BCLAF1: variants seen among roughly 807,000 people sequenced by gnomAD.
BCLAF1 encodes the protein BCL2 associated transcription factor 1.
BCLAF1 carries 10 observed loss-of-function variants against 99.5 expected under a neutral mutation model. The ratio of observed to expected loss-of-function variants is 0.10; its 90% CI spans 0.06 to 0.17. BCLAF1 has a LOEUF of 0.17. Ranked by LOEUF, BCLAF1 falls within the 10% of genes least tolerant of loss-of-function variation. BCLAF1 has a pLI of 1.00. For missense variants in BCLAF1, 636 were observed against 1,105.8 expected, an observed-to-expected ratio of 0.58 and a Z score of 6.02; for synonymous variants, 255 against 370.9, an observed-to-expected ratio of 0.69 and a Z score of 3.59.
chr6:136,277,145 C>A (rs1304998115), intron 4 of BCLAF1, among the ~76,000 whole-genome samples: 1 of 152,186 alleles, frequency 6.6e-6, no homozygotes, highest in Non-Finnish European at 1.5e-5. Context: ...CATGAAGCAA[C>A]CAATTTTCAC....
At position 136,257,578 on chromosome 6, in the gene BCLAF1, G is replaced by A. The variant is rs1405715565; in HGVS notation, c.*3532C>T. On this transcript the variant is annotated 3_prime_UTR_variant, in exon 13 of 13. Transcript: ENST00000531224. ...TTCATTTAAACTTCATTAGGACAGT[G>A]TACTAATTTTTAGTATCTACCCCAA... 6.6e-6 allele frequency: 1 copy of A among 152,106 alleles called. No homozygotes were observed. The highest frequency in any genetic ancestry group is 1.5e-5 in the Non-Finnish European group (1 of 67,972). The allele number at this position is 152,106 out of a possible 1,614,324, so 9.4% of individuals were successfully genotyped here. A position where few individuals can be genotyped will look rare whatever the true frequency, so the allele number is the denominator to read the frequency against.
rs1031885501 is a variant in BCLAF1 at position 136,259,357 on chromosome 6, G to A, written c.*1753C>T. ...ACATAGTCATGCACACAGATTTGAT[G>A]TCTAACCAAGTAACTGTTATGGTAT... On this transcript the variant is annotated 3_prime_UTR_variant, in exon 13 of 13. Coordinates refer to ENST00000531224, the MANE Select transcript of BCLAF1 (RefSeq NM_014739.3). 6.6e-6 allele frequency: 1 copy of A among 152,010 alleles called. No homozygotes were observed. The highest frequency in any genetic ancestry group is 1.5e-5 in the Non-Finnish European group (1 of 67,904). 9.4% of individuals were successfully genotyped at this position (152,010 alleles called of 1,614,324 possible). A position where few individuals can be genotyped will look rare whatever the true frequency, so the allele number is the denominator to read the frequency against.
At chr6:136,280,964 C>A (rs984574884) in intron 2 of BCLAF1, among the ~76,000 whole-genome samples, 11 of 152,152 alleles carry the variant, frequency 7.2e-5, no homozygotes, top group African/African-American at 2.7e-4. Context: ...GTATCTCCTA[C>A]AACCAAGTAT....
intron 6 of BCLAF1, chr6:136,273,876 G>A (rs1251666825): frequency 2.9e-6 from 2 of 691,824 alleles, no homozygotes; most frequent in African/African-American, 1.9e-5. Flanking sequence ...AAAATAGAAA[G>A]ACGTATAAAG....
intron 8 of BCLAF1, among the ~76,000 whole-genome samples, chr6:136,271,545 G>A (rs1380492670): frequency 1.3e-5 from 2 of 151,834 alleles, no homozygotes; most frequent in African/African-American, 4.8e-5. Context: ...CCAGTTCTTA[G>A]AATGCTTATT....
rs1780713930 is a variant in BCLAF1 at position 136,259,467 on chromosome 6, C to G, written c.*1643G>C. The G allele has an allele frequency of 6.6e-6, 1 of 152,040 alleles. No homozygotes were observed. The highest frequency in any genetic ancestry group is 1.5e-5 in the Non-Finnish European group (1 of 67,912). The allele number at this position is 152,040 out of a possible 1,614,324, so 9.4% of individuals were successfully genotyped here. On this transcript the variant is annotated 3_prime_UTR_variant, in exon 13 of 13. Coordinates refer to ENST00000531224, the MANE Select transcript of BCLAF1 (RefSeq NM_014739.3). The stretch of plus-strand genomic sequence containing the variant: ...CTTTCACACGTAAATAAGTATTATT[C>G]TGAACAGGAGAATATTAGTTATGCC...
chr6:136,281,639 CA>C (rs1303576730), intron 2 of BCLAF1, among the ~76,000 whole-genome samples: 2 of 152,188 alleles, frequency 1.3e-5, no homozygotes, highest in Non-Finnish European at 2.9e-5. Flanking sequence ...AGCAATAAGA[CA>C]ACATCCTTTT....
intron 11 of BCLAF1, among the ~76,000 whole-genome samples, chr6:136,264,993 G>C (rs888141611): frequency 1.3e-5 from 2 of 152,142 alleles, no homozygotes; most frequent in Admixed American, 6.5e-5. Flanking sequence ...TACTTGTTAA[G>C]GGTTAGCAGA....
At chr6:136,287,892 G>A (rs777302372) in intron 1 of BCLAF1, among the ~76,000 whole-genome samples, 4 of 152,144 alleles carry the variant, frequency 2.6e-5, no homozygotes, top group Non-Finnish European at 4.4e-5. Context: ...GTGGTGGCGG[G>A]CGCCTGTAGT....
chr6:136,276,956 T>A (rs1337297931), intron 4 of BCLAF1, among the ~76,000 whole-genome samples: 1 of 152,198 alleles, frequency 6.6e-6, no homozygotes, highest in Non-Finnish European at 1.5e-5. Flanking sequence ...CTGCAGTAAT[T>A]TAATACTTTA....
chr6:136,267,587 A>G (rs536601596), intron 10 of BCLAF1, among the ~76,000 whole-genome samples: 4 of 152,028 alleles, frequency 2.6e-5, no homozygotes, highest in Admixed American at 2.0e-4. Context: ...CCAAAACCCA[A>G]CTAGATACTC....
chr6:136,289,461 G>A (rs937326428), intron 1 of BCLAF1, among the ~76,000 whole-genome samples: 4 of 152,062 alleles, frequency 2.6e-5, no homozygotes, highest in Non-Finnish European at 5.9e-5. Flanking sequence ...CGGGCTGTGG[G>A]TCTCCAGGCA....
At chr6:136,265,259 ATTTT>A (rs952077305) in intron 11 of BCLAF1, among the ~76,000 whole-genome samples, 49 of 151,980 alleles carry the variant, frequency 3.2e-4, no homozygotes, top group African/African-American at 1.2e-3. Flanking sequence ...GAGCACTTAG[ATTTT>A]TTTGTTTCTC....
chr6:136,284,065 A>G (rs1212810835), intron 1 of BCLAF1, among the ~76,000 whole-genome samples: 1 of 150,092 alleles, frequency 6.7e-6, no homozygotes, highest in Non-Finnish European at 1.5e-5. Flanking sequence ...TTTAGCTAAC[A>G]CTTCCCTAAA....
At chr6:136,269,766 G>C (rs1782254039) in intron 8 of BCLAF1, 154 bp from the exon 9 acceptor site, 1 of 499,800 alleles carries the variant, frequency 2.0e-6, no homozygotes, top group Non-Finnish European at 3.2e-6. Context: ...CTTAGTTTTT[G>C]TTAAAAAATG....
chr6:136,269,701 C>A, intron 8 of BCLAF1, 89 bp from the exon 9 acceptor site: 1 of 977,422 alleles, frequency 1.0e-6, no homozygotes, highest in Non-Finnish European at 1.4e-6. Flanking sequence ...TTTATGCCAG[C>A]TTCTAAACTG....
chr6:136,262,470 A>G (rs1466898433), intron 11 of BCLAF1, among the ~76,000 whole-genome samples: 2 of 152,146 alleles, frequency 1.3e-5, no homozygotes, highest in Non-Finnish European at 2.9e-5. Flanking sequence ...TTTTTTTTCC[A>G]AAACATAAGA....
intron 1 of BCLAF1, among the ~76,000 whole-genome samples, chr6:136,284,130 GTATATATATATATATA>G (rs60218804): frequency 1.6e-5 from 2 of 122,120 alleles, no homozygotes; most frequent in South Asian, 2.4e-4. Context: ...GTGTGTGTGT[GTATATATATATATATA>G]TATATATATA....
intron 11 of BCLAF1, 96 bp downstream of exon 11, chr6:136,266,933 C>A (rs1044996085): frequency 4.3e-6 from 6 of 1,408,272 alleles, no homozygotes; most frequent in South Asian, 1.4e-5. Context: ...AACGGTGAAT[C>A]TTCTTATAGT....
Sources: allele counts gnomAD v4.1 joint callset (sites outside exome capture counted in the v4.1 genomes callset), GRCh38; gene constraint gnomAD v4.1.1; transcripts MANE v1.5; gene names NCBI Gene and HGNC (gene_info 2026-07-23, HGNC 2026-07-21).